Variants in SORCS2 observed in about 807,000 individuals in gnomAD.
SORCS2 encodes VPS10 domain-containing receptor SorCS2.
Under a neutral mutation model 141.6 loss-of-function variants are expected in SORCS2, and 100 were observed. That is an observed-to-expected ratio of 0.71 (90% CI 0.60 to 0.83). SORCS2 has a LOEUF of 0.83. SORCS2 is among the 40% of genes least tolerant of loss of function. SORCS2 has a pLI of 0.00. For missense variants in SORCS2, 1,646 were observed against 1,560.2 expected (o/e 1.05, Z -0.93); for synonymous variants, 789 against 676.9 (o/e 1.17, Z -2.57).
intron 1 of SORCS2, among the ~76,000 whole-genome samples, chr4:7,272,657 G>A (rs1715221332): frequency 1.3e-5 from 2 of 152,226 alleles, no homozygotes; most frequent in South Asian, 2.1e-4. Flanking sequence ...GCAGGGGAGT[G>A]GGGCACCCCA....
At chr4:7,414,382 A>G (rs1408065815) in intron 2 of SORCS2, among the ~76,000 whole-genome samples, 1 of 152,234 alleles carries the variant, frequency 6.6e-6, no homozygotes, top group African/African-American at 2.4e-5. Flanking sequence ...GAAGTTTTCC[A>G]GGCAGGGAAG....
intron 1 of SORCS2, among the ~76,000 whole-genome samples, chr4:7,360,668 T>A (rs1721529602): frequency 6.9e-6 from 1 of 144,408 alleles, no homozygotes; most frequent in Non-Finnish European, 1.5e-5. Flanking sequence ...TGCTTCGACC[T>A]CCCAGGCTCA....
At chr4:7,657,572 A>G (rs1488139749) in intron 5 of SORCS2, among the ~76,000 whole-genome samples, 1 of 151,188 alleles carries the variant, frequency 6.6e-6, no homozygotes, top group Admixed American at 6.6e-5. Context: ...TGAGCAAGTA[A>G]CTGACTGAAT....
Position 7,664,428 on chromosome 4 carries a change from A to C in SORCS2, c.1028A>C (p.Asp343Ala). 2 of 1,613,922 alleles carry C rather than the reference A, an allele frequency of 1.2e-6. No individual in the cohort carries two copies. Among genetic ancestry groups the C allele is most frequent in the Non-Finnish European group, 1.7e-6 (2 of 1,179,858 alleles). ...ACAGCCCCATTCGCAGGCCCCATTG[A>C]CCACGGGTCTCTGACCGTGCAGGAC... ...MLTAPFAGPI[D>A]HGSLTVQDDY... is the part of the protein sequence containing the mutation. Residue 343 changes from aspartate to alanine, a missense_variant, in exon 7 of 27, where the codon GAC (aspartate) becomes GCC (alanine). Physicochemically the swap from Asp to Ala is moderately radical, Grantham distance 126 (BLOSUM62 -2). Coordinates refer to ENST00000507866, the MANE Select transcript of SORCS2 (RefSeq NM_020777.3). The surrounding 1 kb of genome is among the most constrained non-coding windows in gnomAD (Gnocchi z 4.7).
intron 8 of SORCS2, among the ~76,000 whole-genome samples, chr4:7,669,795 C>T (rs374992956): frequency 2.0e-5 from 3 of 152,198 alleles, no homozygotes; most frequent in East Asian, 3.8e-4. Context: ...AGGGCTTTTA[C>T]GTAGCTGAAT....
At chr4:7,296,784 C>A (rs747951985) in intron 1 of SORCS2, among the ~76,000 whole-genome samples, 1 of 152,174 alleles carries the variant, frequency 6.6e-6, no homozygotes. Flanking sequence ...AGACTCTTTC[C>A]GGAGAGGTGA....
At chr4:7,418,459 C>G (rs1330121476) in intron 2 of SORCS2, among the ~76,000 whole-genome samples, 2 of 152,114 alleles carry the variant, frequency 1.3e-5, no homozygotes, top group African/African-American at 4.8e-5. Flanking sequence ...ACCACCCATG[C>G]AAAGTCTGAG....
chr4:7,264,283 C>T (rs1409796789), intron 1 of SORCS2, among the ~76,000 whole-genome samples: 1 of 152,250 alleles, frequency 6.6e-6, no homozygotes, highest in East Asian at 1.9e-4. Context: ...CTGTGCAGCC[C>T]ATGTCCCGCA....
intron 12 of SORCS2, among the ~76,000 whole-genome samples, chr4:7,700,521 C>T (rs370239998): frequency 7.9e-5 from 12 of 152,294 alleles, no homozygotes; most frequent in Middle Eastern, 3.4e-3. Flanking sequence ...AACTGTGGAA[C>T]GTTCTTCTTC....
At chr4:7,296,620 C>A (rs1028060099) in intron 1 of SORCS2, among the ~76,000 whole-genome samples, 1 of 152,220 alleles carries the variant, frequency 6.6e-6, no homozygotes, top group Non-Finnish European at 1.5e-5. Context: ...GGGCAGCTAA[C>A]CTCATTGCTC....
At chr4:7,393,134 C>T (rs570906531) in intron 1 of SORCS2, among the ~76,000 whole-genome samples, 5 of 152,118 alleles carry the variant, frequency 3.3e-5, no homozygotes, top group African/African-American at 9.7e-5. Context: ...GAGTGGCAGC[C>T]GCGGCCGACC....
At chr4:7,436,375 C>T (rs1407115485) in intron 2 of SORCS2, among the ~76,000 whole-genome samples, 1 of 152,276 alleles carries the variant, frequency 6.6e-6, no homozygotes, top group African/African-American at 2.4e-5. Flanking sequence ...TCGCATCCCA[C>T]CAGGACTTTG....
intron 1 of SORCS2, among the ~76,000 whole-genome samples, chr4:7,368,558 T>A (rs1480566249): frequency 6.6e-6 from 1 of 152,064 alleles, no homozygotes; most frequent in Non-Finnish European, 1.5e-5. Flanking sequence ...CAGCCACGCC[T>A]CTCTTTAGGG....
At chr4:7,512,764 C>T (rs1732741247) in intron 2 of SORCS2, among the ~76,000 whole-genome samples, 1 of 152,026 alleles carries the variant, frequency 6.6e-6, no homozygotes, top group Non-Finnish European at 1.5e-5. Flanking sequence ...CTTGGCTCCA[C>T]TCCCTCAGGT....
At chr4:7,236,263 G>T (rs1418062496) in intron 1 of SORCS2, among the ~76,000 whole-genome samples, 1 of 152,214 alleles carries the variant, frequency 6.6e-6, no homozygotes, top group Non-Finnish European at 1.5e-5. Flanking sequence ...CTCACTGCAG[G>T]TGACTTTTGA....
intron 5 of SORCS2, among the ~76,000 whole-genome samples, chr4:7,661,246 A>G (rs1329711069): frequency 1.1e-5 from 1 of 93,188 alleles, no homozygotes; most frequent in African/African-American, 4.7e-5. Context: ...GAAGATGCAG[A>G]GACTCCAACC....
intron 1 of SORCS2, among the ~76,000 whole-genome samples, chr4:7,321,543 C>T (rs1019991512): frequency 9.2e-5 from 14 of 152,158 alleles, no homozygotes; most frequent in African/African-American, 2.9e-4. Context: ...GGGAAGACAC[C>T]GGTGGATGAA....
chr4:7,525,745 A>C, intron 2 of SORCS2, among the ~76,000 whole-genome samples: 1 of 100,592 alleles, frequency 9.9e-6, no homozygotes. Flanking sequence ...TCCTGCAGTC[A>C]CCTGTGCCCT....
At position 7,531,608 on chromosome 4, in the gene SORCS2, C is replaced by A; in HGVS notation, c.627C>A (p.Ile209=). 6.2e-7 allele frequency: 1 copy of A among 1,613,850 alleles called. No homozygotes were observed. Among genetic ancestry groups the A allele is most frequent in the South Asian group, 1.1e-5 (1 of 91,078 alleles). Residue 209 remains isoleucine, a synonymous_variant, in exon 3 of 27, where the codon ATC becomes ATA. Coordinates refer to ENST00000507866, the MANE Select transcript of SORCS2 (RefSeq NM_020777.3). ...GVTTVIDNFY[I]CPTNKRKVIL... is the part of the protein sequence containing the mutation. ...CCACCGTCATCGACAATTTCTACAT[C>A]TGCCCGACCAACAAGAGGAAGGTAG...
Sources: gnomAD v4.1 joint callset for allele counts (sites outside exome capture counted in the v4.1 genomes callset) on GRCh38, gnomAD v4.1.1 for gene constraint, Gnocchi (gnomAD v3.1) non-coding constraint, MANE v1.5 for transcripts, NCBI Gene and HGNC (gene_info 2026-07-23, HGNC 2026-07-21) for gene names.